Variants in CNOT3 observed in about 807,000 individuals in gnomAD.
CNOT3 encodes the protein CCR4-associated factor 3.
A neutral mutation model predicts 89.4 loss-of-function variants in CNOT3; 2 were observed. The ratio of observed to expected loss-of-function variants is 0.02; its 90% confidence interval spans 0.01 to 0.07. The LOEUF (loss-of-function observed/expected upper bound fraction) is 0.07. Ranked by LOEUF, CNOT3 falls within the 10% of genes least tolerant of loss-of-function variation. The pLI, the probability that CNOT3 is intolerant of heterozygous loss-of-function variation, is 1.00. For synonymous variants in CNOT3, 486 were observed against 402.0 expected, an observed-to-expected ratio of 1.21 and a Z score of -2.50; for missense variants, 664 against 1,010.2, an observed-to-expected ratio of 0.66 and a Z score of 4.65.
chr19:54,152,428 A>C lies in CNOT3; in HGVS notation c.1706A>C (p.Asp569Ala). 2 of 1,614,030 alleles carry C rather than the reference A, an allele frequency of 1.2e-6. No homozygotes were observed. Among genetic ancestry groups the C allele is most frequent in the Non-Finnish European group, 1.7e-6 (2 of 1,179,952 alleles). ...GGCCGGACCCCCACCCTCCCCACAG[A>C]CATCATCCTGAGCAGTACATCAGCA... Reference protein sequence around the residue: ...PVPTLHLTERDIILSSTSAPP... With the variant: ...PVPTLHLTERAIILSSTSAPP... Residue 569 changes from aspartate to alanine, a missense_variant and splice_region_variant, in exon 15 of 18, where the codon GAC becomes GCC. Asp to Ala is a moderately radical substitution (Grantham distance 126, BLOSUM62 -2). Transcript: ENST00000221232.
At chr19:54,153,603 C>T (rs2075263544) in intron 16 of CNOT3, 112 bp from the exon 17 acceptor site, 12 of 825,576 alleles carry the variant, frequency 1.5e-5, no homozygotes, top group Non-Finnish European at 2.6e-5. Flanking sequence ...TCCAGCCCAA[C>T]TGTGGTCTGT....
intron 15 of CNOT3, 58 bp downstream of exon 15, chr19:54,152,684 T>G: frequency 7.1e-7 from 1 of 1,410,938 alleles, no homozygotes; most frequent in Non-Finnish European, 1.0e-6. Flanking sequence ...GAGGAGGCAG[T>G]GGCTGAACCT....
intron 13 of CNOT3, among the ~76,000 whole-genome samples, chr19:54,150,035 C>CT (rs1287769048): frequency 6.6e-6 from 1 of 152,122 alleles, no homozygotes; most frequent in Admixed American, 6.5e-5. Flanking sequence ...TGCTTGCTCT[C>CT]TCTGGGTCTC....
intron 10 of CNOT3, 53 bp downstream of exon 10, chr19:54,146,710 C>G (rs2074692040): frequency 1.0e-6 from 1 of 983,358 alleles, no homozygotes; most frequent in African/African-American, 1.6e-5. Context: ...CTGTTGCTTC[C>G]CAAAGGCATC....
Position 54,152,421 on chromosome 19 carries a change from C to G in CNOT3, c.1706-7C>G. On this transcript the variant is annotated splice_region_variant and splice_polypyrimidine_tract_variant and intron_variant, in intron 14 of 17. Coordinates refer to ENST00000221232, the MANE Select transcript of CNOT3 (RefSeq NM_014516.4). ...CTGAGGGGGCCGGACCCCCACCCTC[C>G]CCACAGACATCATCCTGAGCAGTAC... 6.2e-7 allele frequency: 1 copy of G among 1,613,994 alleles called. No individual in the cohort carries two copies. The highest frequency in any genetic ancestry group is 2.2e-5 in the East Asian group (1 of 44,876).
rs1471126548 is a variant in CNOT3, at chr19:54,145,940, G to A, written c.734G>A (p.Ser245Asn). ...PQALVATSPP[S>N]HSHMEDEIFN... ...GCGCTGGTCGCCACCTCCCCCCCCA[G>A]CCACAGCCACATGGAGGATGAGATC... Residue 245 changes from serine (S) to asparagine (N), a missense_variant, in exon 9 of 18, where the codon AGC becomes AAC. Physicochemically the swap from Ser to Asn is conservative, Grantham distance 46. This residue lies in a region of CNOT3 where 545 missense variants were observed against 566.2 expected (regional missense o/e 0.96). Coordinates refer to ENST00000221232, the MANE Select transcript of CNOT3 (RefSeq NM_014516.4). This position sits in a 1 kb window ranked among gnomAD's most constrained non-coding sequence, Gnocchi z 5.9. The A allele has an allele frequency of 6.2e-7, 1 of 1,613,608 alleles. No individual in the cohort carries two copies. Among genetic ancestry groups the A allele is most frequent in the African/African-American group, 1.3e-5 (1 of 74,836 alleles).
Position 54,153,324 on chromosome 19 carries a change from C to G in CNOT3, c.2037+325C>G, listed in dbSNP as rs116489078. The G allele has an allele frequency of 1.4e-5, 11 of 762,310 alleles. No individual in the cohort carries two copies. In the African/African-American group the frequency reaches 1.5e-4, roughly 11 times the overall value. 47.2% of individuals were successfully genotyped at this position (762,310 alleles called of 1,614,324 possible). A position where few individuals can be genotyped will look rare whatever the true frequency, so the allele number is the denominator to read the frequency against. ...AGCCCCAGTCTAGGCCGACCCCACT[C>G]TGCTCATTGGCACATTCTCAGGCCT... On this transcript the variant is annotated intron_variant, in intron 16 of 17. Coordinates refer to ENST00000221232, the MANE Select transcript of CNOT3 (RefSeq NM_014516.4).
At chr19:54,152,158 G>A in intron 13 of CNOT3, 68 bp from the exon 14 acceptor site, 1 of 1,554,406 alleles carries the variant, frequency 6.4e-7, no homozygotes, top group Non-Finnish European at 8.9e-7. Flanking sequence ...AGCATCTGGG[G>A]CCTGTGTCAG....
Position 54,148,432 on chromosome 19 carries a change from C to T in CNOT3, c.1179C>T (p.Val393=). ...CGACCCAGCCCCGGCCCCCCAGCGT[C>T]CAGCCTAGCGGAGGCGGAGGCGGCG... ...PSTTQPRPPS[V]QPSGGGGGGS... Residue 393 remains valine, a synonymous_variant, in exon 11 of 18, where the codon GTC becomes GTT. Transcript: ENST00000221232. The surrounding 1 kb of genome is among the most constrained non-coding windows in gnomAD (Gnocchi z 6.3). 2 of 1,566,634 alleles carry T rather than the reference C, an allele frequency of 1.3e-6. No homozygotes were observed. Among genetic ancestry groups the T allele is most frequent in the Middle Eastern group, 1.7e-4 (1 of 5,822 alleles).
intron 3 of CNOT3, 43 bp downstream of exon 3, chr19:54,143,229 AG>A (rs748061772): frequency 2.2e-5 from 34 of 1,569,110 alleles, no homozygotes; most frequent in Non-Finnish European, 2.6e-5. Context: ...TTCAGAGAGG[AG>A]GGCACAGGAA....
chr19:54,147,153 C>A (rs1391693455), intron 10 of CNOT3, among the ~76,000 whole-genome samples: 1 of 152,212 alleles, frequency 6.6e-6, no homozygotes, highest in African/African-American at 2.4e-5. Flanking sequence ...ATAATACACA[C>A]TGCAAATTTC....
At chr19:54,149,820 G>A in intron 13 of CNOT3, 62 bp downstream of exon 13, 1 of 1,483,854 alleles carries the variant, frequency 6.7e-7, no homozygotes. Context: ...TTTCCTCCAG[G>A]TCTCTAGCTG....
At chr19:54,143,230 G>T in intron 3 of CNOT3, 44 bp downstream of exon 3, 1 of 1,572,030 alleles carries the variant, frequency 6.4e-7, no homozygotes, top group Non-Finnish European at 8.8e-7. Context: ...TCAGAGAGGA[G>T]GGCACAGGAA....
chr19:54,149,441 C>T (rs1317972736), intron 12 of CNOT3, 119 bp from the exon 13 acceptor site: 3 of 569,554 alleles, frequency 5.3e-6, no homozygotes, highest in Non-Finnish European at 8.9e-6. Flanking sequence ...CTGCCCTCAC[C>T]TGCCCCTCTC....
chr19:54,153,905 G>A (rs770250034), intron 17 of CNOT3, 65 bp downstream of exon 17: 2 of 1,604,242 alleles, frequency 1.2e-6, no homozygotes, highest in Admixed American at 3.3e-5. Flanking sequence ...GCTCCAGGCA[G>A]CCCCTGCTGG....
chr19:54,153,933 C>A, intron 17 of CNOT3, 93 bp downstream of exon 17: 1 of 1,530,852 alleles, frequency 6.5e-7, no homozygotes. Context: ...TCCCTTGCCT[C>A]CACCTTTCAG....
rs767574789 is a variant in CNOT3, at chr19:54,145,590, G to A, written c.484-8G>A. On this transcript the variant is annotated splice_polypyrimidine_tract_variant and splice_region_variant and intron_variant, in intron 7 of 17. Coordinates refer to ENST00000221232, the MANE Select transcript of CNOT3 (RefSeq NM_014516.4). This position sits in a 1 kb window ranked among gnomAD's most constrained non-coding sequence, Gnocchi z 5.9. The stretch of plus-strand genomic sequence containing the variant: ...AGCCCCTGAGCCTGGCCCTGGGCTC[G>A]CCAGCAGAAGCAGGACCGGATTGAG... The A allele has an allele frequency of 1.4e-5, 23 of 1,609,956 alleles. No individual in the cohort carries two copies. Among genetic ancestry groups the A allele is most frequent in the African/African-American group, 4.0e-5 (3 of 74,814 alleles).
chr19:54,148,202 C>T lies in CNOT3; in HGVS notation c.949C>T (p.Pro317Ser). ...PVHSNQHPQS[P>S]AVPPTYPSGP... is the part of the protein sequence containing the mutation. ...CCACAGCAACCAGCACCCTCAGTCC[C>T]CAGCTGTGCCGCCCACCTACCCCTC... The change falls in exon 11 of 18, where the codon CCA becomes TCA. Residue 317 changes from proline to serine, a missense_variant. Pro to Ser is a moderately conservative substitution (Grantham distance 74). Around this residue, in one of 8 missense-constraint regions of CNOT3, gnomAD observed 545 missense variants for 566.2 expected, o/e 0.96. Coordinates refer to ENST00000221232, the MANE Select transcript of CNOT3 (RefSeq NM_014516.4). This position sits in a 1 kb window ranked among gnomAD's most constrained non-coding sequence, Gnocchi z 6.3. 6.3e-7 allele frequency: 1 copy of T among 1,583,630 alleles called. No individual in the cohort carries two copies. Among genetic ancestry groups the T allele is most frequent in the Non-Finnish European group, 8.6e-7 (1 of 1,165,378 alleles).
chr19:54,147,280 G>A (rs1431870553), intron 10 of CNOT3, among the ~76,000 whole-genome samples: 31 of 152,266 alleles, frequency 2.0e-4, no homozygotes, highest in Admixed American at 2.0e-3. Context: ...GCATGGGCCT[G>A]AGGCCCCTCT....
Sources: allele counts gnomAD v4.1 joint callset (sites outside exome capture counted in the v4.1 genomes callset), GRCh38; gene constraint gnomAD v4.1.1; regional missense constraint gnomAD v4.1.1; non-coding constraint Gnocchi (gnomAD v3.1); transcripts MANE v1.5; gene names NCBI Gene and HGNC (gene_info 2026-07-23, HGNC 2026-07-21).